The following SHISA9 variants were observed in gnomAD, a reference collection of about 807,000 sequenced individuals.
The protein encoded by SHISA9 is shisa family member 9, also known as protein shisa-9.
In SHISA9, 13 loss-of-function variants were observed where a neutral mutation model predicts 38.0. The ratio of observed to expected loss-of-function variants is 0.34; its 90% CI spans 0.22 to 0.54. SHISA9 has a LOEUF of 0.54. SHISA9 is among the 20% of genes least tolerant of loss of function. The pLI, the probability that SHISA9 is intolerant of heterozygous loss-of-function variation, is 0.91. For missense variants in SHISA9, 538 were observed against 575.8 expected, an observed-to-expected ratio of 0.93 and a Z score of 0.67; for synonymous variants, 275 against 242.0, an observed-to-expected ratio of 1.14 and a Z score of -1.27.
chr16:13,001,031 G>A (rs866043416), intron 2 of SHISA9, among the ~76,000 whole-genome samples: 10 of 152,198 alleles, frequency 6.6e-5, no homozygotes, highest in African/African-American at 1.9e-4. Context: ...AGGTTCAAGC[G>A]ATTCTCCTGC....
the SHISA9 span, among the ~76,000 whole-genome samples, chr16:13,537,530 C>T: frequency 2.6e-5 from 4 of 151,924 alleles, no homozygotes; most frequent in South Asian, 6.2e-4. Flanking sequence ...GATGTAACTA[C>T]TTATTGTTGT....
the SHISA9 span, among the ~76,000 whole-genome samples, chr16:13,450,098 T>C: frequency 3.3e-5 from 5 of 152,118 alleles, no homozygotes; most frequent in Admixed American, 1.3e-4. Flanking sequence ...ACCTGAGTGA[T>C]AGAGGGAGAC....
chr16:13,500,688 A>C, the SHISA9 span, among the ~76,000 whole-genome samples: 2 of 152,134 alleles, frequency 1.3e-5, no homozygotes, highest in East Asian at 3.9e-4. Flanking sequence ...GACAGGGATT[A>C]TGTAACTACT....
At chr16:13,522,963 G>A in the SHISA9 span, among the ~76,000 whole-genome samples, 1 of 152,134 alleles carries the variant, frequency 6.6e-6, no homozygotes, top group Admixed American at 6.6e-5. Context: ...TATCAGCTTT[G>A]GGGAGGAATG....
chr16:13,414,237 C>A, the SHISA9 span, among the ~76,000 whole-genome samples: 1 of 152,142 alleles, frequency 6.6e-6, no homozygotes, highest in African/African-American at 2.4e-5. Context: ...AAACCCTATG[C>A]CACCCCTCTG....
At chr16:13,337,851 C>T in the SHISA9 span, among the ~76,000 whole-genome samples, 1 of 152,096 alleles carries the variant, frequency 6.6e-6, no homozygotes, top group Non-Finnish European at 1.5e-5. Context: ...CTCTCTCTCT[C>T]CTGCTCTGCC....
the SHISA9 span, among the ~76,000 whole-genome samples, chr16:13,323,655 G>A: frequency 2.0e-4 from 31 of 152,266 alleles, 1 homozygote; most frequent in East Asian, 1.5e-3. Flanking sequence ...CAATCATGGT[G>A]GAAGGCAAAA....
chr16:13,142,829 A>G (rs2050412960), intron 2 of SHISA9, among the ~76,000 whole-genome samples: 1 of 152,052 alleles, frequency 6.6e-6, no homozygotes, highest in Non-Finnish European at 1.5e-5. Flanking sequence ...ATTTATTTTT[A>G]GAGGGGACAT....
chr16:12,940,191 C>A (rs985101419), intron 2 of SHISA9, among the ~76,000 whole-genome samples: 1 of 152,162 alleles, frequency 6.6e-6, no homozygotes, highest in African/African-American at 2.4e-5. Context: ...AGGTCTGAGG[C>A]AGAGGCCAGA....
the SHISA9 span, among the ~76,000 whole-genome samples, chr16:13,292,199 G>A: frequency 6.6e-6 from 1 of 151,878 alleles, no homozygotes; most frequent in Non-Finnish European, 1.5e-5. Flanking sequence ...TTCTAAGAGC[G>A]TCTTTGCTGT....
intron 4 of SHISA9, among the ~76,000 whole-genome samples, chr16:13,221,907 A>G (rs1042140022): frequency 6.6e-6 from 1 of 152,144 alleles, no homozygotes; most frequent in Admixed American, 6.5e-5. Context: ...ATAGACCTGT[A>G]TTAGTTTGTT....
At chr16:13,560,765 A>G in the SHISA9 span, among the ~76,000 whole-genome samples, 2 of 152,044 alleles carry the variant, frequency 1.3e-5, no homozygotes, top group African/African-American at 4.8e-5. Context: ...AAAAAAAAAA[A>G]AAAAAGCAGA....
chr16:13,244,503 TTC>T (rs1310695598), downstream of SHISA9, among the ~76,000 whole-genome samples: 3 of 152,232 alleles, frequency 2.0e-5, no homozygotes, highest in East Asian at 5.8e-4. Flanking sequence ...AAATAAGATT[TTC>T]TTTTTTCTAG....
At chr16:13,359,222 T>C in the SHISA9 span, among the ~76,000 whole-genome samples, 1 of 152,200 alleles carries the variant, frequency 6.6e-6, no homozygotes, top group Non-Finnish European at 1.5e-5. Context: ...CCATTTTCAC[T>C]GTAATATTTT....
At chr16:13,166,670 G>C (rs2142017041) in intron 2 of SHISA9, among the ~76,000 whole-genome samples, 2 of 152,238 alleles carry the variant, frequency 1.3e-5, no homozygotes, top group Middle Eastern at 3.4e-3. Context: ...TGCCCCTAAT[G>C]CCTCCCCCAA....
At chr16:13,551,680 A>G in the SHISA9 span, among the ~76,000 whole-genome samples, 2 of 152,154 alleles carry the variant, frequency 1.3e-5, no homozygotes, top group African/African-American at 2.4e-5. Flanking sequence ...CTGTGCACAA[A>G]CATAGACACA....
At chr16:13,155,424 TG>T (rs1382587921) in intron 2 of SHISA9, among the ~76,000 whole-genome samples, 1 of 152,170 alleles carries the variant, frequency 6.6e-6, no homozygotes, top group Non-Finnish European at 1.5e-5. Context: ...CCACCTGCCC[TG>T]GGACTATTTT....
chr16:13,320,092 A>G, the SHISA9 span, among the ~76,000 whole-genome samples: 3 of 151,842 alleles, frequency 2.0e-5, no homozygotes, highest in Admixed American at 6.6e-5. Flanking sequence ...GGAGATCGAG[A>G]CCATCCTGGC....
intron 2 of SHISA9, among the ~76,000 whole-genome samples, chr16:12,935,005 T>G (rs1596537407): frequency 1.2e-5 from 1 of 82,426 alleles, no homozygotes; most frequent in South Asian, 3.9e-4. Context: ...CTGATATGAA[T>G]TATTCCAACA....
Sources: gnomAD v4.1 joint callset for allele counts (sites outside exome capture counted in the v4.1 genomes callset) on GRCh38, gnomAD v4.1.1 for gene constraint, MANE v1.5 for transcripts, NCBI Gene and HGNC (gene_info 2026-07-23, HGNC 2026-07-21) for gene names.